The following RGS12 variants were observed in gnomAD, a reference collection of about 807,000 sequenced individuals.
RGS12 encodes regulator of G-protein signaling 12.
A neutral mutation model predicts 120.1 loss-of-function variants in RGS12; 66 were observed. That is an observed-to-expected ratio of 0.55 (90% CI 0.45 to 0.67). RGS12 has a LOEUF of 0.67. Among genes scored for constraint, RGS12 ranks in the 30% least tolerant of loss-of-function variants. The pLI is 0.00. For missense variants in RGS12, 1,859 were observed against 1,957.7 expected, an observed-to-expected ratio of 0.95 and a Z score of 0.95; for synonymous variants, 827 against 804.7, an observed-to-expected ratio of 1.03 and a Z score of -0.47.
chr4:3,376,846 C>T (rs755323387), intron 3 of RGS12, among the ~76,000 whole-genome samples: 10 of 152,106 alleles, frequency 6.6e-5, no homozygotes, highest in Admixed American at 1.3e-4. Flanking sequence ...CAGCCTTGCC[C>T]GCCTCAGAGA....
At chr4:3,324,854 A>C (rs921246137) in intron 2 of RGS12, 1 of 152,232 alleles carries the variant, frequency 6.6e-6, no homozygotes, top group African/African-American at 2.4e-5. Context: ...ATGAGAGGAA[A>C]GAAATAGTGT....
At chr4:3,369,323 C>G (rs1716725167) in intron 3 of RGS12, among the ~76,000 whole-genome samples, 1 of 152,240 alleles carries the variant, frequency 6.6e-6, no homozygotes, top group Non-Finnish European at 1.5e-5. Context: ...GCTGTGGGTT[C>G]TGCTCACTGA....
chr4:3,431,718 A>G, intron 17 of RGS12: 2 of 985,548 alleles, frequency 2.0e-6, no homozygotes, highest in Non-Finnish European at 2.4e-6. Flanking sequence ...CATCCCCTGG[A>G]GAGAGGAGCC....
intron 4 of RGS12, among the ~76,000 whole-genome samples, chr4:3,409,443 T>G (rs2109075027): frequency 6.6e-6 from 1 of 152,378 alleles, no homozygotes; most frequent in South Asian, 2.1e-4. Context: ...GAACATGATG[T>G]TAGTCAATAC....
intron 1 of RGS12, among the ~76,000 whole-genome samples, chr4:3,301,666 G>T (rs1338600973): frequency 6.9e-6 from 1 of 144,958 alleles, no homozygotes; most frequent in African/African-American, 2.7e-5. Context: ...GAGGGCTGGG[G>T]ATGGAGAGTG....
At chr4:3,415,617 C>T (rs1303273166) in intron 6 of RGS12, among the ~76,000 whole-genome samples, 1 of 152,212 alleles carries the variant, frequency 6.6e-6, no homozygotes, top group East Asian at 1.9e-4. Context: ...GCCTGGCTTC[C>T]AGGCTTCGGG....
At chr4:3,424,532 G>C (rs1298667018) in intron 13 of RGS12, among the ~76,000 whole-genome samples, 3 of 152,206 alleles carry the variant, frequency 2.0e-5, no homozygotes. Flanking sequence ...CTGCGCAATT[G>C]TTTAGCCCCT....
chr4:3,345,442 T>C (rs1713701188), intron 3 of RGS12, among the ~76,000 whole-genome samples: 1 of 152,218 alleles, frequency 6.6e-6, no homozygotes, highest in South Asian at 2.1e-4. Context: ...AGCTGACCAG[T>C]CATCCTGCAG....
chr4:3,398,980 A>G (rs1301597552), intron 4 of RGS12, among the ~76,000 whole-genome samples: 1 of 152,220 alleles, frequency 6.6e-6, no homozygotes, highest in Non-Finnish European at 1.5e-5. Flanking sequence ...TCGATCATAA[A>G]ATGATAACAA....
chr4:3,386,151 A>T (rs552857891), intron 3 of RGS12: 1 of 535,528 alleles, frequency 1.9e-6, no homozygotes, highest in Non-Finnish European at 3.3e-6. Flanking sequence ...TGTTACTAAG[A>T]CTGTAATGTC....
At chr4:3,318,253 C>T (rs978386743) in intron 2 of RGS12, among the ~76,000 whole-genome samples, 4 of 152,148 alleles carry the variant, frequency 2.6e-5, no homozygotes, top group East Asian at 1.9e-4. Context: ...CTGCCCTGTT[C>T]GAGTCCTTGG....
chr4:3,334,957 A>G (rs1459424526), intron 2 of RGS12, among the ~76,000 whole-genome samples: 3 of 151,792 alleles, frequency 2.0e-5, no homozygotes, highest in Non-Finnish European at 4.4e-5. Flanking sequence ...TTCTTGCCTT[A>G]TGTTTTGTTT....
At chr4:3,306,411 T>A (rs1723969131) in intron 1 of RGS12, among the ~76,000 whole-genome samples, 1 of 151,620 alleles carries the variant, frequency 6.6e-6, no homozygotes, top group Non-Finnish European at 1.5e-5. Context: ...CCATGGGGAG[T>A]GTGAGTGTGG....
At chr4:3,330,243 T>C (rs1578743348) in intron 2 of RGS12, among the ~76,000 whole-genome samples, 1 of 152,340 alleles carries the variant, frequency 6.6e-6, no homozygotes, top group South Asian at 2.1e-4. Context: ...TCCAAGTTTA[T>C]TTACTGTGAG....
rs186746870 is a variant in RGS12 at position 3,355,500 on chromosome 4, A to T, written c.1998+12447A>T. 2.0e-4 allele frequency among the ~76,000 whole-genome samples: 30 copies of T among 152,312 alleles called. No individual in the cohort carries two copies. The South Asian group carries it at 3.3e-3, about 17-fold the overall frequency. On this transcript the variant is annotated intron_variant, in intron 3 of 17. Coordinates refer to ENST00000336727, the MANE Select transcript of RGS12 (RefSeq NM_001394154.1). The stretch of plus-strand genomic sequence containing the variant: ...TACTGTTCTCAGATGATGTGATTGT[A>T]ACAGAAGATCCAAAAGTCCCGTGGT...
chr4:3,414,060 C>A lies in RGS12; in HGVS notation c.2021-12C>A. 1 of 1,541,686 alleles carries A rather than the reference C, an allele frequency of 6.5e-7. No homozygotes were observed. The highest frequency in any genetic ancestry group is 8.7e-7 in the Non-Finnish European group (1 of 1,146,172). On this transcript the variant is annotated splice_polypyrimidine_tract_variant and intron_variant, in intron 4 of 17. Coordinates refer to ENST00000336727, the MANE Select transcript of RGS12 (RefSeq NM_001394154.1). ...GGCAGGGGTGCAGGTGCTGTCTGTG[C>A]TGGTCCCGCAGAGTTGACGGGCGCC...
chr4:3,289,850 T>C (rs1035742816), upstream of RGS12, among the ~76,000 whole-genome samples: 4 of 152,268 alleles, frequency 2.6e-5, no homozygotes, highest in Non-Finnish European at 4.4e-5. Flanking sequence ...ACCTGCATCC[T>C]ACTCTCTGTT....
intron 1 of RGS12, among the ~76,000 whole-genome samples, chr4:3,313,304 T>G (rs1724526226): frequency 6.6e-6 from 1 of 152,188 alleles, no homozygotes; most frequent in Non-Finnish European, 1.5e-5. Context: ...CGAGAGGTGT[T>G]CTGTTCCCCG....
chr4:3,393,474 C>T (rs1289901246), intron 4 of RGS12, among the ~76,000 whole-genome samples: 1 of 152,168 alleles, frequency 6.6e-6, no homozygotes, highest in African/African-American at 2.4e-5. Flanking sequence ...TGACCTGTCT[C>T]CTCAGCTCTG....
Sources: allele counts gnomAD v4.1 joint callset (sites outside exome capture counted in the v4.1 genomes callset), GRCh38; gene constraint gnomAD v4.1.1; transcripts MANE v1.5; gene names NCBI Gene and HGNC (gene_info 2026-07-23, HGNC 2026-07-21).